SVIL: variants seen among roughly 807,000 people sequenced by gnomAD.
SVIL encodes the protein supervillin.
A neutral mutation model predicts 240.4 loss-of-function variants in SVIL; 101 were observed. That is an observed-to-expected ratio of 0.42 (90% CI 0.36 to 0.50). The LOEUF (loss-of-function observed/expected upper bound fraction) is 0.50. Ranked by LOEUF, SVIL falls within the 20% of genes least tolerant of loss-of-function variation. The pLI is 0.01. For missense variants in SVIL, 2,512 were observed against 2,818.7 expected (o/e 0.89, Z 2.46); for synonymous variants, 999 against 1,100.0 (o/e 0.91, Z 1.82).
intron 1 of SVIL, among the ~76,000 whole-genome samples, chr10:29,576,367 A>G (rs77034973): frequency 6.6e-6 from 1 of 152,256 alleles, no homozygotes. Flanking sequence ...TATCATCTCT[A>G]AGAGGTGATA....
intron 1 of SVIL, among the ~76,000 whole-genome samples, chr10:29,693,492 T>C (rs1192876837): frequency 1.3e-5 from 2 of 152,140 alleles, no homozygotes; most frequent in Admixed American, 1.3e-4. Flanking sequence ...ATTTAAACTT[T>C]GCGTTGAAAG....
intron 6 of SVIL, among the ~76,000 whole-genome samples, chr10:29,547,584 C>T (rs1952808048): frequency 6.6e-6 from 1 of 152,046 alleles, no homozygotes; most frequent in Admixed American, 6.6e-5. Flanking sequence ...GTCAACAATG[C>T]TTTTTTCTAG....
intron 1 of SVIL, among the ~76,000 whole-genome samples, chr10:29,733,858 A>G (rs1211227470): frequency 6.6e-6 from 1 of 152,232 alleles, no homozygotes. Flanking sequence ...CCAAAGTCCT[A>G]TTTTGTAAAC....
At chr10:29,509,324 GGGGAGGGAGAGAGAGAGAGAGA>G (rs1189307958) in intron 17 of SVIL, among the ~76,000 whole-genome samples, 1 of 79,778 alleles carries the variant, frequency 1.3e-5, no homozygotes, top group African/African-American at 4.0e-5. Context: ...GGAGAAGGAG[GGGGAGGGAGAGAGAGAGAGAGA>G]GAGAGAGAGA....
chr10:29,586,921 T>C (rs61052458), intron 1 of SVIL, among the ~76,000 whole-genome samples: 21,742 of 151,890 alleles, frequency 0.14, 2,058 homozygotes, highest in African/African-American at 0.27. Context: ...GGGAGAAGAT[T>C]ATGAAAAATA....
chr10:29,524,438 C>T lies in SVIL; in HGVS notation c.2586+34G>A, dbSNP rs191623512. On this transcript the variant is annotated intron_variant, in intron 14 of 37. Coordinates refer to ENST00000355867, the MANE Select transcript of SVIL (RefSeq NM_021738.3). ...CAGTGCTATAATTTAAGAACACACA[C>T]ACACAAACTGCAATCGGACTATAGC... The T allele has an allele frequency of 2.8e-4, 445 of 1,611,026 alleles. No homozygotes were observed. In the African/African-American group the frequency reaches 5.3e-3, roughly 19 times the overall value.
At chr10:29,555,341 CACAT>C (rs749712685) in intron 3 of SVIL, among the ~76,000 whole-genome samples, 1,716 of 94,590 alleles carry the variant, frequency 0.018, 20 homozygotes, top group African/African-American at 0.056. Flanking sequence ...CACACACACA[CACAT>C]GGACACACCC....
intron 3 of SVIL, among the ~76,000 whole-genome samples, chr10:29,646,237 G>A (rs916206036): frequency 3.3e-5 from 5 of 152,188 alleles, no homozygotes; most frequent in African/African-American, 4.8e-5. Context: ...ATCTGTGATC[G>A]TAATTTCTGC....
At chr10:29,594,805 C>T (rs1284498838) in intron 1 of SVIL, among the ~76,000 whole-genome samples, 1 of 152,216 alleles carries the variant, frequency 6.6e-6, no homozygotes, top group Non-Finnish European at 1.5e-5. Context: ...AGTCAGCCTG[C>T]CTCAGCCTTC....
In SVIL at chr10:29,598,800, T is replaced by G. The variant is rs138018101; in HGVS notation, c.-200-29488A>C. On this transcript the variant is annotated intron_variant, in intron 1 of 37. Coordinates refer to ENST00000355867, the MANE Select transcript of SVIL (RefSeq NM_021738.3). ...CCTGTTAGGTTTTATTCAAAACTGC[T>G]GTTTTCAAACCTTGGCCACAGCGGC... 2.0e-5 allele frequency among the ~76,000 whole-genome samples: 3 copies of G among 152,390 alleles called. No individual in the cohort carries two copies. The East Asian group carries it at 5.8e-4, about 29-fold the overall frequency.
intron 2 of SVIL, among the ~76,000 whole-genome samples, chr10:29,661,912 C>G (rs146271683): frequency 7.9e-5 from 12 of 152,228 alleles, no homozygotes; most frequent in African/African-American, 2.9e-4. Flanking sequence ...ATCCTTCCGT[C>G]TTTGGCCTCC....
rs66616602 is a variant in SVIL at position 29,509,330 on chromosome 10, GGAGAGAGAGAGAGAGAGA to G, written c.3516+3387_3516+3404del. ...GAGAGAAAGGGAGAAGGAGGGGGAG[GGAGAGAGAGAGAGAGAGA>G]GAGAGAGAGAGAGAGAGAGAGAGAG... On this transcript the variant is annotated intron_variant, in intron 17 of 37. Coordinates refer to ENST00000355867, the MANE Select transcript of SVIL (RefSeq NM_021738.3). Among the ~76,000 whole-genome samples, 285 of 66,912 alleles carry G rather than the reference GGAGAGAGAGAGAGAGAGA, an allele frequency of 4.3e-3. 3 individuals are homozygous for G. Among genetic ancestry groups the G allele is most frequent in the African/African-American group, 0.013 (264 of 20,580 alleles). 43.9% of individuals were successfully genotyped at this position (66,912 alleles called of 152,430 possible).
chr10:29,623,300 T>C (rs2132922765), intron 1 of SVIL, among the ~76,000 whole-genome samples: 1 of 152,322 alleles, frequency 6.6e-6, no homozygotes. Flanking sequence ...CTAATTAACA[T>C]GAAGTCAAGG....
At chr10:29,584,305 A>G (rs981334047) in intron 1 of SVIL, among the ~76,000 whole-genome samples, 2 of 152,208 alleles carry the variant, frequency 1.3e-5, no homozygotes, top group African/African-American at 4.8e-5. Context: ...ATGGCCCTGT[A>G]TGGCAGCGGC....
In SVIL at chr10:29,589,880, T is replaced by C. The variant is rs1379586522; in HGVS notation, c.-200-20568A>G. Among the ~76,000 whole-genome samples, 6 of 152,146 alleles carry C rather than the reference T, an allele frequency of 3.9e-5. No individual in the cohort carries two copies. In the East Asian group the frequency reaches 1.2e-3, roughly 29 times the overall value. Reference sequence around the variant, plus strand: ...TTAAGTTTGTTCTCACTAAAAATAATGTTGTTGGCCAGGCGTGGTGGCTCA... The same window carrying C: ...TTAAGTTTGTTCTCACTAAAAATAACGTTGTTGGCCAGGCGTGGTGGCTCA... On this transcript the variant is annotated intron_variant, in intron 1 of 37. Transcript: ENST00000355867.
At chr10:29,498,559 C>A (rs1357591531) in intron 18 of SVIL, among the ~76,000 whole-genome samples, 1 of 152,102 alleles carries the variant, frequency 6.6e-6, no homozygotes, top group African/African-American at 2.4e-5. Context: ...TGTTTTATGA[C>A]CTTCAAATAC....
chr10:29,496,428 G>A (rs181341949), intron 18 of SVIL: 75 of 455,762 alleles, frequency 1.6e-4, no homozygotes, highest in African/African-American at 1.3e-3. Context: ...AGACATCAGA[G>A]GAGTTCATTA....
At chr10:29,572,776 A>AAG (rs1665393671) in intron 1 of SVIL, among the ~76,000 whole-genome samples, 1 of 150,192 alleles carries the variant, frequency 6.7e-6, no homozygotes, top group African/African-American at 2.4e-5. Flanking sequence ...AAAAAAAAAA[A>AAG]AAAAAGAAAA....
intron 2 of SVIL, among the ~76,000 whole-genome samples, chr10:29,670,400 A>G (rs1959673392): frequency 6.6e-6 from 1 of 152,230 alleles, no homozygotes; most frequent in South Asian, 2.1e-4. Context: ...TGCTTTGAAG[A>G]GCCCCTTTAT....
Sources: gnomAD v4.1 joint callset for allele counts (sites outside exome capture counted in the v4.1 genomes callset) on GRCh38, gnomAD v4.1.1 for gene constraint, MANE v1.5 for transcripts, NCBI Gene and HGNC (gene_info 2026-07-23, HGNC 2026-07-21) for gene names.